The following TENM3 variants were observed in gnomAD, a reference collection of about 807,000 sequenced individuals.
TENM3 encodes the protein teneurin-3.
TENM3 carries 63 observed loss-of-function variants against 255.1 expected under a neutral mutation model. The ratio of observed to expected loss-of-function variants is 0.25; its 90% confidence interval spans 0.20 to 0.30. TENM3 has a LOEUF of 0.30. Among genes scored for constraint, TENM3 ranks in the 10% least tolerant of loss-of-function variants. TENM3 has a pLI of 1.00. For missense variants in TENM3, 2,929 were observed against 3,461.1 expected (o/e 0.85, Z 3.86); for synonymous variants, 1,306 against 1,322.3 (o/e 0.99, Z 0.27).
At chr4:182,561,968 C>CCAGATAGATAGA (rs1158682754) in intron 3 of TENM3, among the ~76,000 whole-genome samples, 1 of 139,988 alleles carries the variant, frequency 7.1e-6, no homozygotes, top group Non-Finnish European at 1.5e-5. Flanking sequence ...CTGTGTATAT[C>CCAGATAGATAGA]CAGATAGATA....
chr4:182,263,512 G>T (rs1759011352), intron 1 of TENM3, among the ~76,000 whole-genome samples: 1 of 152,142 alleles, frequency 6.6e-6, no homozygotes, highest in African/African-American at 2.4e-5. Context: ...GTTCTCTTTG[G>T]ATTCATCTGC....
At chr4:181,948,618 A>G in the TENM3 span, among the ~76,000 whole-genome samples, 1 of 151,982 alleles carries the variant, frequency 6.6e-6, no homozygotes, top group East Asian at 1.9e-4. Flanking sequence ...GGGTTTCACC[A>G]TGTTGGCCAG....
chr4:182,224,393 A>G (rs1456101799), intron 1 of TENM3, among the ~76,000 whole-genome samples: 1 of 152,178 alleles, frequency 6.6e-6, no homozygotes, highest in East Asian at 1.9e-4. Context: ...GTATTGGGTA[A>G]CAGTTGTTTG....
At chr4:182,656,438 C>G (rs931847985) in intron 6 of TENM3, among the ~76,000 whole-genome samples, 1 of 152,136 alleles carries the variant, frequency 6.6e-6, no homozygotes, top group Non-Finnish European at 1.5e-5. Context: ...AGACCTGGGG[C>G]ACAGGGAGTG....
chr4:181,762,333 A>C, the TENM3 span, among the ~76,000 whole-genome samples: 1 of 152,140 alleles, frequency 6.6e-6, no homozygotes, highest in Non-Finnish European at 1.5e-5. Flanking sequence ...TGAATAAATC[A>C]GTGACGAAAA....
chr4:181,477,528 C>G, the TENM3 span, among the ~76,000 whole-genome samples: 1 of 152,118 alleles, frequency 6.6e-6, no homozygotes, highest in Middle Eastern at 3.4e-3. Flanking sequence ...GGTTTGAATA[C>G]CCACAACTCT....
At chr4:181,807,018 A>G in the TENM3 span, among the ~76,000 whole-genome samples, 3 of 152,064 alleles carry the variant, frequency 2.0e-5, no homozygotes, top group African/African-American at 7.3e-5. Context: ...TTCACCACAA[A>G]TGCTCCTCCT....
At position 182,801,438 on chromosome 4, in the gene TENM3, T is replaced by C. The variant is rs1480242551; in HGVS notation, c.*1087T>C. The C allele has an allele frequency of 1.3e-5, 2 of 152,098 alleles. No individual in the cohort carries two copies. Among genetic ancestry groups the C allele is most frequent in the African/African-American group, 2.4e-5 (1 of 41,412 alleles). 9.4% of individuals were successfully genotyped at this position (152,098 alleles called of 1,614,324 possible). A position where few individuals can be genotyped will look rare whatever the true frequency, so the allele number is the denominator to read the frequency against. On this transcript the variant is annotated 3_prime_UTR_variant, in exon 28 of 28. Transcript: ENST00000511685. ...GCTGGTGGAATGTAAGGGAAGAAGATTGAAAAAACGGGAGGAAGGGTTCTC... is the reference window on the plus strand; with the variant it reads ...GCTGGTGGAATGTAAGGGAAGAAGACTGAAAAAACGGGAGGAAGGGTTCTC...
Position 182,651,442 on chromosome 4 carries a change from G to A in TENM3, c.989-2329G>A, listed in dbSNP as rs141041063. Among the ~76,000 whole-genome samples, 875 of 152,254 alleles carry A rather than the reference G, an allele frequency of 5.7e-3. 6 individuals are homozygous for A. Among genetic ancestry groups the A allele is most frequent in the African/African-American group, 0.02 (843 of 41,536 alleles). ...GCAGTGGCTCAAGCCTGTAATCCTA[G>A]CACTTTGGGAGGCCGAGGCATGCGG... On this transcript the variant is annotated intron_variant, in intron 5 of 27. Coordinates refer to ENST00000511685, the MANE Select transcript of TENM3 (RefSeq NM_001080477.4).
chr4:181,621,308 A>G, the TENM3 span, among the ~76,000 whole-genome samples: 3 of 152,222 alleles, frequency 2.0e-5, no homozygotes, highest in African/African-American at 7.2e-5. Context: ...CACACTGCTA[A>G]GGGAGACAGC....
chr4:181,763,349 A>T, the TENM3 span, among the ~76,000 whole-genome samples: 2 of 152,198 alleles, frequency 1.3e-5, no homozygotes, highest in South Asian at 4.1e-4. Context: ...ATTAGCGTCA[A>T]CATCATATTT....
At chr4:182,569,808 T>C (rs1347075151) in intron 3 of TENM3, among the ~76,000 whole-genome samples, 1 of 152,182 alleles carries the variant, frequency 6.6e-6, no homozygotes, top group African/African-American at 2.4e-5. Flanking sequence ...TGAGTAAATT[T>C]GATAACTGCT....
At chr4:182,514,640 G>A (rs1737752051) in intron 3 of TENM3, among the ~76,000 whole-genome samples, 2 of 152,046 alleles carry the variant, frequency 1.3e-5, no homozygotes, top group Non-Finnish European at 2.9e-5. Flanking sequence ...TTCTGTCTGT[G>A]CCATTCATTT....
chr4:182,210,897 G>C lies in TENM3; in HGVS notation c.-76+66143G>C, dbSNP rs139794993. Among the ~76,000 whole-genome samples the C allele has an allele frequency of 8.3e-4, 126 of 152,236 alleles. 1 individual carries two copies. Among genetic ancestry groups the C allele is most frequent in the South Asian group, 5.0e-3 (24 of 4,826 alleles). ...TCACAGAAGATGACCCTACAAGGAA[G>C]GTCACTTGTTTAGCTCTGCATGACC... is the stretch of plus-strand genomic sequence containing the variant. On this transcript the variant is annotated intron_variant, in intron 1 of 2. Coordinates refer to the TENM3 transcript ENST00000512480.
At chr4:181,601,780 C>G in the TENM3 span, among the ~76,000 whole-genome samples, 1 of 152,096 alleles carries the variant, frequency 6.6e-6, no homozygotes, top group Non-Finnish European at 1.5e-5. Flanking sequence ...TCTTTAAAGA[C>G]CTTATCTGCA....
intron 5 of TENM3, among the ~76,000 whole-genome samples, chr4:182,640,568 C>T (rs1341401239): frequency 6.6e-6 from 1 of 151,900 alleles, no homozygotes; most frequent in Non-Finnish European, 1.5e-5. Flanking sequence ...CCTTTTTTTA[C>T]TTCTTCAAAT....
chr4:181,846,335 G>A, the TENM3 span, among the ~76,000 whole-genome samples: 1 of 152,014 alleles, frequency 6.6e-6, no homozygotes, highest in East Asian at 1.9e-4. Flanking sequence ...TTCTCTTCAG[G>A]ACTGAAGGAG....
the TENM3 span, among the ~76,000 whole-genome samples, chr4:181,956,557 G>T: frequency 3.9e-3 from 588 of 152,280 alleles, 18 homozygotes; most frequent in South Asian, 0.059. Flanking sequence ...TGAATGAAAA[G>T]TATCCAAAGA....
intron 1 of TENM3, among the ~76,000 whole-genome samples, chr4:182,247,886 C>A (rs1757754686): frequency 1.3e-5 from 2 of 152,094 alleles, no homozygotes; most frequent in Admixed American, 1.3e-4. Context: ...GCAAATGCAC[C>A]CTCACCCTTT....
Sources: allele counts gnomAD v4.1 joint callset (sites outside exome capture counted in the v4.1 genomes callset), GRCh38; gene constraint gnomAD v4.1.1; transcripts MANE v1.5; gene names NCBI Gene and HGNC (gene_info 2026-07-23, HGNC 2026-07-21).